The following CSMD1 variants were observed in gnomAD, a reference collection of about 807,000 sequenced individuals.
CSMD1 encodes the protein CUB and sushi domain-containing protein 1.
In CSMD1, 213 loss-of-function variants were observed where a neutral mutation model predicts 417.5. The observed-to-expected ratio is 0.51, with a 90% CI of 0.46 to 0.57. The LOEUF (loss-of-function observed/expected upper bound fraction) is 0.57, where lower values mean the gene tolerates loss of function less well. CSMD1 is among the 20% of genes least tolerant of loss of function. The pLI, the probability that CSMD1 is intolerant of heterozygous loss-of-function variation, is 0.00. For synonymous variants in CSMD1, 2,862 were observed against 1,736.8 expected, an observed-to-expected ratio of 1.65 and a Z score of -16.11; for missense variants, 6,923 against 4,529.7, an observed-to-expected ratio of 1.53 and a Z score of -15.17.
At chr8:3,835,576 G>A (rs62479945) in intron 5 of CSMD1, among the ~76,000 whole-genome samples, 44,385 of 151,882 alleles carry the variant, frequency 0.29, 6,672 homozygotes, top group Non-Finnish European at 0.32. Context: ...TGTGGGGAGC[G>A]GGGAGGGATA....
intron 1 of CSMD1, among the ~76,000 whole-genome samples, chr8:4,735,172 A>G (rs1810149383): frequency 6.6e-6 from 1 of 152,144 alleles, no homozygotes; most frequent in Admixed American, 6.6e-5. Flanking sequence ...CTCCCTCACC[A>G]ATGAGGAATG....
At chr8:3,629,131 G>A (rs1056135730) in intron 7 of CSMD1, among the ~76,000 whole-genome samples, 13 of 152,222 alleles carry the variant, frequency 8.5e-5, no homozygotes, top group Non-Finnish European at 4.4e-5. Flanking sequence ...CAGGCATGAC[G>A]TGAGCAAAGA....
At chr8:4,290,817 G>C (rs998482166) in intron 3 of CSMD1, among the ~76,000 whole-genome samples, 1 of 152,102 alleles carries the variant, frequency 6.6e-6, no homozygotes, top group African/African-American at 2.4e-5. Context: ...ATCACAATTT[G>C]TAATTAAAAT....
rs540921550 is a variant in CSMD1 at position 4,751,960 on chromosome 8, G to C, written c.86-114402C>G. 2.0e-4 allele frequency among the ~76,000 whole-genome samples: 31 copies of C among 152,062 alleles called. No homozygotes were observed. The South Asian group carries it at 6.5e-3, about 32-fold the overall frequency. The stretch of plus-strand genomic sequence containing the variant: ...AATCTGAGAGTGGGGGAAGTGCAAA[G>C]AATATATACATATACACGACTGTAT... On this transcript the variant is annotated intron_variant, in intron 1 of 69. Transcript: ENST00000635120.
chr8:4,643,906 G>C (rs1337736570), intron 1 of CSMD1, among the ~76,000 whole-genome samples: 1 of 152,174 alleles, frequency 6.6e-6, no homozygotes, highest in Non-Finnish European at 1.5e-5. Flanking sequence ...AGGAGGCTTT[G>C]AAAGCCTGAT....
At chr8:3,190,140 C>T (rs1171379242) in intron 33 of CSMD1, 25 bp from the exon 34 acceptor site, 3 of 1,543,450 alleles carry the variant, frequency 1.9e-6, no homozygotes, top group South Asian at 1.2e-5. Context: ...CAGAACACAG[C>T]CGTCTGTATC....
At chr8:3,027,668 C>A (rs1049476815) in intron 51 of CSMD1, among the ~76,000 whole-genome samples, 1 of 152,096 alleles carries the variant, frequency 6.6e-6, no homozygotes, top group Non-Finnish European at 1.5e-5. Context: ...AAATTTGTGG[C>A]CCGAGACACC....
At chr8:4,131,430 A>C (rs1452428987) in intron 3 of CSMD1, among the ~76,000 whole-genome samples, 1 of 152,114 alleles carries the variant, frequency 6.6e-6, no homozygotes, top group Non-Finnish European at 1.5e-5. Flanking sequence ...TCTCTCAACT[A>C]CCCCTGAGGT....
intron 2 of CSMD1, among the ~76,000 whole-genome samples, chr8:4,460,443 A>C (rs1346044953): frequency 1.3e-5 from 2 of 152,162 alleles, no homozygotes; most frequent in Non-Finnish European, 2.9e-5. Context: ...GTACAAGCTA[A>C]ACTTACGGTA....
At chr8:4,229,836 C>T (rs542438521) in intron 3 of CSMD1, among the ~76,000 whole-genome samples, 12 of 152,240 alleles carry the variant, frequency 7.9e-5, no homozygotes, top group East Asian at 7.7e-4. Context: ...CCAAGAGGGC[C>T]GGGATTTTAT....
chr8:3,772,536 T>C (rs1375089977), intron 5 of CSMD1, among the ~76,000 whole-genome samples: 1 of 73,436 alleles, frequency 1.4e-5, no homozygotes, highest in East Asian at 3.7e-4. Flanking sequence ...CATATATACA[T>C]ATATACACAT....
In CSMD1 at chr8:3,708,422, T is replaced by C; in HGVS notation, c.1001A>G (p.Asn334Ser). Residue 334 changes from asparagine to serine, a missense_variant, in exon 7 of 70, where the codon AAC becomes AGC. By Grantham distance (46) the Asn-to-Ser change is conservative. Transcript: ENST00000635120. ...AAAGGAAAGGGACTCACAGACAGAG[T>C]TTTTATGGCTTCCATCCTTGCTGGG... ...MLPSKDGSHK[N>S]SVLSQGGVAL... is the part of the protein sequence containing the mutation. 1 of 1,613,336 alleles carries C rather than the reference T, an allele frequency of 6.2e-7. No homozygotes were observed. The highest frequency in any genetic ancestry group is 8.5e-7 in the Non-Finnish European group (1 of 1,179,586).
At chr8:3,408,547 G>A (rs187831927) in intron 13 of CSMD1, among the ~76,000 whole-genome samples, 28 of 151,334 alleles carry the variant, frequency 1.9e-4, no homozygotes, top group African/African-American at 5.4e-4. Flanking sequence ...GCCTTCAGAA[G>A]AGCAAATATT....
At chr8:3,963,434 G>C (rs1341352708) in intron 5 of CSMD1, among the ~76,000 whole-genome samples, 1 of 152,066 alleles carries the variant, frequency 6.6e-6, no homozygotes, top group Non-Finnish European at 1.5e-5. Flanking sequence ...TATCTCGCTG[G>C]TCTCTTTGTC....
At chr8:3,421,791 C>G (rs1232634149) in intron 12 of CSMD1, among the ~76,000 whole-genome samples, 1 of 152,178 alleles carries the variant, frequency 6.6e-6, no homozygotes, top group Admixed American at 6.5e-5. Flanking sequence ...GTGCATGACA[C>G]CATGCCCAGG....
intron 46 of CSMD1, among the ~76,000 whole-genome samples, chr8:3,097,626 A>G (rs1181445126): frequency 1.3e-5 from 2 of 152,210 alleles, no homozygotes; most frequent in African/African-American, 4.8e-5. Flanking sequence ...GGGGATGATG[A>G]CAGATTTCAT....
intron 26 of CSMD1, among the ~76,000 whole-genome samples, chr8:3,251,976 C>T (rs140617355): frequency 4.6e-5 from 7 of 152,132 alleles, no homozygotes; most frequent in South Asian, 2.1e-4. Flanking sequence ...TGAGACAATG[C>T]GGTTTTCTAG....
At chr8:4,201,521 G>C (rs1799645136) in intron 3 of CSMD1, among the ~76,000 whole-genome samples, 1 of 102,414 alleles carries the variant, frequency 9.8e-6, no homozygotes, top group Non-Finnish European at 1.7e-5. Flanking sequence ...CTAGGTAAGA[G>C]ATCCAGACTC....
chr8:3,693,677 A>G (rs1231185551), intron 7 of CSMD1, among the ~76,000 whole-genome samples: 1 of 152,170 alleles, frequency 6.6e-6, no homozygotes, highest in East Asian at 1.9e-4. Context: ...AAAAGATATA[A>G]AGAGAAAAAT....
Sources: allele counts gnomAD v4.1 joint callset (sites outside exome capture counted in the v4.1 genomes callset), GRCh38; gene constraint gnomAD v4.1.1; transcripts MANE v1.5; gene names NCBI Gene and HGNC (gene_info 2026-07-23, HGNC 2026-07-21).